The following COL14A1 variants were observed in gnomAD, a reference collection of about 807,000 sequenced individuals.
COL14A1 encodes the protein collagen alpha-1(XIV) chain.
A neutral mutation model predicts 230.3 loss-of-function variants in COL14A1; 136 were observed. The ratio of observed to expected loss-of-function variants is 0.59; its 90% confidence interval spans 0.51 to 0.68. The LOEUF (loss-of-function observed/expected upper bound fraction) is 0.68, where lower values mean the gene tolerates loss of function less well. Among genes scored for constraint, COL14A1 ranks in the 30% least tolerant of loss-of-function variants. The pLI is 0.00. For synonymous variants in COL14A1, 792 were observed against 784.1 expected (o/e 1.01, Z -0.17); for missense variants, 1,976 against 2,215.8 (o/e 0.89, Z 2.17).
intron 32 of COL14A1, among the ~76,000 whole-genome samples, chr8:120,285,191 C>T (rs1015690980): frequency 7.9e-5 from 12 of 151,544 alleles, no homozygotes; most frequent in Admixed American, 3.9e-4. Context: ...CGGTGGCTCA[C>T]GCCTGTAATC....
chr8:120,155,385 A>C (rs1453183460), intron 2 of COL14A1, among the ~76,000 whole-genome samples: 1 of 152,176 alleles, frequency 6.6e-6, no homozygotes, highest in Non-Finnish European at 1.5e-5. Flanking sequence ...CGTTGCCCTC[A>C]TTTTCTACTG....
At chr8:120,144,610 C>T (rs7846067) in intron 1 of COL14A1, among the ~76,000 whole-genome samples, 6,971 of 152,080 alleles carry the variant, frequency 0.046, 525 homozygotes, top group African/African-American at 0.16. Context: ...TTTCAGGCAT[C>T]CCTAGCAAAA....
intron 19 of COL14A1, among the ~76,000 whole-genome samples, chr8:120,235,391 A>C (rs1004544972): frequency 2.6e-5 from 4 of 151,858 alleles, no homozygotes; most frequent in African/African-American, 9.7e-5. Context: ...GGCTGGTCTC[A>C]AACTCCTGAC....
chr8:120,308,050 C>T (rs1368095529), intron 36 of COL14A1, among the ~76,000 whole-genome samples: 3 of 152,192 alleles, frequency 2.0e-5, no homozygotes, highest in South Asian at 4.1e-4. Flanking sequence ...GGCATGATCT[C>T]GGCTCACTGC....
intron 14 of COL14A1, among the ~76,000 whole-genome samples, chr8:120,222,454 C>T (rs1203447342): frequency 6.6e-6 from 1 of 152,178 alleles, no homozygotes; most frequent in Non-Finnish European, 1.5e-5. Flanking sequence ...TTGCATTCAT[C>T]TGGGAGTCTG....
intron 1 of COL14A1, among the ~76,000 whole-genome samples, chr8:120,134,925 A>G (rs191206132): frequency 2.0e-4 from 30 of 152,356 alleles, no homozygotes; most frequent in African/African-American, 7.2e-4. Flanking sequence ...CAGCGAGCCA[A>G]GATTGCACCA....
intron 10 of COL14A1, 42 bp from the exon 11 acceptor site, chr8:120,208,190 A>G: frequency 6.5e-7 from 1 of 1,533,674 alleles, no homozygotes; most frequent in South Asian, 1.3e-5. Flanking sequence ...TCTGCGTGTA[A>G]GATATTCCAT....
In COL14A1 at chr8:120,228,731, C is replaced by T. The variant is rs950044230; in HGVS notation, c.2159C>T (p.Pro720Leu). ...GTTLDSFWTE[P>L]ATTIVPTTSV... is the part of the protein sequence containing the mutation. The stretch of plus-strand genomic sequence containing the variant: ...TTAGTTGACAGTTTTTGGACAGAAC[C>T]AGCTACAACCATAGTGCCTACCACA... The change falls in exon 18 of 48, where the codon CCA becomes CTA. Residue 720 changes from proline to leucine, a missense_variant. Around this residue, in one of 3 missense-constraint regions of COL14A1, gnomAD observed 1,791 missense variants for 2,019.5 expected, o/e 0.89. Transcript: ENST00000297848. 21 of 1,613,818 alleles carry T rather than the reference C, an allele frequency of 1.3e-5. No homozygotes were observed. Among genetic ancestry groups the T allele is most frequent in the Non-Finnish European group, 1.7e-5 (20 of 1,179,796 alleles).
At chr8:120,272,266 G>A (rs12542244) in intron 26 of COL14A1, among the ~76,000 whole-genome samples, 2,180 of 151,768 alleles carry the variant, frequency 0.014, 137 homozygotes, top group Admixed American at 0.1. Context: ...GTCACTACCA[G>A]ACCAGCCCTA....
At chr8:120,157,417 C>T (rs1815516027) in intron 2 of COL14A1, among the ~76,000 whole-genome samples, 1 of 152,064 alleles carries the variant, frequency 6.6e-6, no homozygotes, top group Admixed American at 6.6e-5. Flanking sequence ...AGTGAAAAAC[C>T]TAAGGACAAA....
rs768831618 is a variant in COL14A1 at position 120,283,813 on chromosome 8, CATGTATGAGTA to C, written c.3967+43_3967+53del. ...TTTATTGAGATCACATTCACATATA[CATGTATGAGTA>C]ATGTATGTGGCATGCCATTTTGCCT... On this transcript the variant is annotated intron_variant, in intron 32 of 47. Coordinates refer to ENST00000297848, the MANE Select transcript of COL14A1 (RefSeq NM_021110.4). The C allele has an allele frequency of 3.4e-5, 53 of 1,567,800 alleles. 1 individual carries two copies. Among genetic ancestry groups the C allele is most frequent in the Middle Eastern group, 3.4e-4 (2 of 5,880 alleles).
intron 12 of COL14A1, among the ~76,000 whole-genome samples, chr8:120,211,452 T>C (rs551567370): frequency 6.6e-6 from 1 of 152,308 alleles, no homozygotes; most frequent in South Asian, 2.1e-4. Context: ...TCATATATTG[T>C]TTATAGATAT....
chr8:120,205,869 G>A (rs1265164561), intron 9 of COL14A1, among the ~76,000 whole-genome samples: 2 of 152,148 alleles, frequency 1.3e-5, no homozygotes, highest in African/African-American at 2.4e-5. Context: ...TGCTCTTAAA[G>A]GGTGAGAAAT....
At chr8:120,193,649 G>C (rs1268008412) in intron 5 of COL14A1, among the ~76,000 whole-genome samples, 1 of 152,218 alleles carries the variant, frequency 6.6e-6, no homozygotes, top group Non-Finnish European at 1.5e-5. Context: ...CCTGCCCCCA[G>C]AGGTGGAGCC....
intron 5 of COL14A1, among the ~76,000 whole-genome samples, chr8:120,175,338 T>TG (rs1816245046): frequency 6.6e-6 from 1 of 152,234 alleles, no homozygotes; most frequent in Non-Finnish European, 1.5e-5. Flanking sequence ...ATGCAGAACC[T>TG]GATTGGAAAT....
chr8:120,355,505 C>CG (rs1246370683), intron 45 of COL14A1, among the ~76,000 whole-genome samples: 1 of 151,620 alleles, frequency 6.6e-6, no homozygotes, highest in Non-Finnish European at 1.5e-5. Flanking sequence ...CTCCGCCCCC[C>CG]GGGTTCAAGC....
At chr8:120,167,647 G>A (rs1165493131) in intron 4 of COL14A1, among the ~76,000 whole-genome samples, 3 of 152,112 alleles carry the variant, frequency 2.0e-5, no homozygotes. Context: ...CTTTTTTTAA[G>A]TTTGAAAAGG....
chr8:120,163,024 C>T (rs1403484611), intron 4 of COL14A1, among the ~76,000 whole-genome samples: 5 of 152,142 alleles, frequency 3.3e-5, no homozygotes, highest in African/African-American at 1.2e-4. Context: ...ATATAATGGG[C>T]GCTCCATGAA....
chr8:120,162,138 C>G (rs1210007171), intron 3 of COL14A1, among the ~76,000 whole-genome samples: 1 of 151,996 alleles, frequency 6.6e-6, no homozygotes, highest in East Asian at 1.9e-4. Context: ...TGTTAGTTAT[C>G]TAATGTAAAA....
Sources: allele counts gnomAD v4.1 joint callset (sites outside exome capture counted in the v4.1 genomes callset), GRCh38; gene constraint gnomAD v4.1.1; regional missense constraint gnomAD v4.1.1; transcripts MANE v1.5; gene names NCBI Gene and HGNC (gene_info 2026-07-23, HGNC 2026-07-21).